XPR1: variants seen among roughly 807,000 people sequenced by gnomAD.
The protein encoded by XPR1 is solute carrier family 53 member 1.
In XPR1, 28 loss-of-function variants were observed where a neutral mutation model predicts 87.5. The observed-to-expected ratio is 0.32, with a 90% confidence interval of 0.24 to 0.44. The LOEUF (loss-of-function observed/expected upper bound fraction) is 0.44, where lower values mean the gene tolerates loss of function less well. XPR1 is among the 20% of genes least tolerant of loss of function. The pLI is 1.00. For synonymous variants in XPR1, 300 were observed against 306.1 expected, an observed-to-expected ratio of 0.98 and a Z score of 0.21; for missense variants, 559 against 862.3, an observed-to-expected ratio of 0.65 and a Z score of 4.41.
In XPR1 at chr1:180,873,787, C is replaced by A. The variant is rs753496664; in HGVS notation, c.1669-16C>A. 2.0e-5 allele frequency: 33 copies of A among 1,610,290 alleles called. No individual in the cohort carries two copies. Among genetic ancestry groups the A allele is most frequent in the African/African-American group, 6.7e-5 (5 of 74,790 alleles). ...ATGTGATAGAAAACATACTCAATTT[C>A]TTTATTATTTCTCAGGCCTACTACT... On this transcript the variant is annotated splice_polypyrimidine_tract_variant and intron_variant, in intron 12 of 14. Transcript: ENST00000367590.
At chr1:180,821,006 CTTTT>C (rs67840913) in intron 7 of XPR1, among the ~76,000 whole-genome samples, 1 of 148,222 alleles carries the variant, frequency 6.7e-6, no homozygotes, top group Non-Finnish European at 1.5e-5. Flanking sequence ...ATATTCCTCC[CTTTT>C]TTTTTTTACT....
rs1259916327 is a variant in XPR1 at position 180,886,278 on chromosome 1, G to A, written c.*2212G>A. The A allele has an allele frequency of 6.6e-6, 1 of 152,182 alleles. No homozygotes were observed. The highest frequency in any genetic ancestry group is 1.5e-5 in the Non-Finnish European group (1 of 68,036). The allele number at this position is 152,182 out of a possible 1,614,324, so 9.4% of individuals were successfully genotyped here. A position where few individuals can be genotyped will look rare whatever the true frequency, so the allele number is the denominator to read the frequency against. On this transcript the variant is annotated 3_prime_UTR_variant, in exon 15 of 15. Coordinates refer to ENST00000367590, the MANE Select transcript of XPR1 (RefSeq NM_004736.4). ...AAGAAACAGCAGTAATTATTACTGA[G>A]TTAAATTGAAAAGTCCAGTGGACCA...
intron 3 of XPR1, among the ~76,000 whole-genome samples, chr1:180,791,340 C>T (rs561157547): frequency 5.3e-5 from 8 of 152,186 alleles, no homozygotes; most frequent in South Asian, 2.1e-4. Context: ...GTCATGATCT[C>T]GGCTCACTGC....
At chr1:180,797,852 T>C (rs1386171174) in intron 3 of XPR1, among the ~76,000 whole-genome samples, 1 of 152,170 alleles carries the variant, frequency 6.6e-6, no homozygotes, top group African/African-American at 2.4e-5. Flanking sequence ...TAGTTATTTC[T>C]TTTGGCCTAG....
rs148567488 is a variant in XPR1 at position 180,696,390 on chromosome 1, T to G, written c.121+13979T>G. Among the ~76,000 whole-genome samples, 6 of 152,114 alleles carry G rather than the reference T, an allele frequency of 3.9e-5. No individual in the cohort carries two copies. In the East Asian group the frequency reaches 1.2e-3, roughly 29 times the overall value. On this transcript the variant is annotated intron_variant, in intron 2 of 14. Coordinates refer to ENST00000367590, the MANE Select transcript of XPR1 (RefSeq NM_004736.4). ...GGTGGAATTGTTAGGTTTTTCTATA[T>G]CTAAGATCATGTCATCTATAAAGCA...
At chr1:180,674,882 GT>G (rs549215049) in intron 1 of XPR1, among the ~76,000 whole-genome samples, 11 of 152,248 alleles carry the variant, frequency 7.2e-5, no homozygotes, top group African/African-American at 2.6e-4. Context: ...TATATTGGCA[GT>G]CAGCACCACA....
At chr1:180,703,114 T>G (rs887970145) in intron 2 of XPR1, among the ~76,000 whole-genome samples, 4 of 152,150 alleles carry the variant, frequency 2.6e-5, no homozygotes, top group African/African-American at 4.8e-5. Flanking sequence ...GAAGGCTGTT[T>G]GAGGCTTTGC....
intron 2 of XPR1, among the ~76,000 whole-genome samples, chr1:180,760,670 G>T (rs770257712): frequency 6.6e-6 from 1 of 152,142 alleles, no homozygotes; most frequent in Admixed American, 6.5e-5. Flanking sequence ...AATCAATATC[G>T]TGAAAATGGC....
At chr1:180,725,426 C>T (rs1658305355) in intron 2 of XPR1, among the ~76,000 whole-genome samples, 1 of 152,094 alleles carries the variant, frequency 6.6e-6, no homozygotes, top group African/African-American at 2.4e-5. Context: ...TAGGTGAACA[C>T]TATTGCACTA....
chr1:180,763,106 G>T (rs936512833), intron 2 of XPR1, among the ~76,000 whole-genome samples: 1 of 152,150 alleles, frequency 6.6e-6, no homozygotes, highest in Admixed American at 6.5e-5. Context: ...TGTTTATGCC[G>T]TGGAATTCCC....
intron 9 of XPR1, among the ~76,000 whole-genome samples, chr1:180,831,409 A>G (rs1229390685): frequency 6.3e-5 from 2 of 31,620 alleles, no homozygotes; most frequent in Non-Finnish European, 1.5e-4. Context: ...TCTTTTTTTT[A>G]TATATACTTT....
At chr1:180,857,047 G>A (rs12079213) in intron 11 of XPR1, among the ~76,000 whole-genome samples, 6,552 of 152,256 alleles carry the variant, frequency 0.043, 506 homozygotes, top group African/African-American at 0.15. Flanking sequence ...TATATTAAAT[G>A]TAAAAGTGAT....
chr1:180,856,494 C>G (rs1238826600), intron 11 of XPR1, among the ~76,000 whole-genome samples: 3 of 152,116 alleles, frequency 2.0e-5, no homozygotes, highest in African/African-American at 7.2e-5. Flanking sequence ...TAGTTTTTTC[C>G]AGTTGTTTTC....
At chr1:180,811,613 G>A in intron 7 of XPR1, 125 bp downstream of exon 7, 1 of 727,892 alleles carries the variant, frequency 1.4e-6, no homozygotes, top group Non-Finnish European at 2.1e-6. Flanking sequence ...TCAGGGCTAA[G>A]TTTTTTGTCC....
intron 1 of XPR1, among the ~76,000 whole-genome samples, chr1:180,672,100 A>C (rs769023284): frequency 2.6e-4 from 40 of 152,262 alleles, no homozygotes; most frequent in Non-Finnish European, 4.3e-4. Context: ...AAGCCATGTC[A>C]ATAGATGTCA....
intron 11 of XPR1, among the ~76,000 whole-genome samples, chr1:180,848,206 T>C (rs1163800502): frequency 6.6e-6 from 1 of 152,186 alleles, no homozygotes; most frequent in Non-Finnish European, 1.5e-5. Context: ...TTTGAAACTG[T>C]ATATTATTGT....
Position 180,853,409 on chromosome 1 carries a change from G to GT in XPR1, c.1502-10296dup, listed in dbSNP as rs554152799. Among the ~76,000 whole-genome samples, 226 of 152,070 alleles carry GT rather than the reference G, an allele frequency of 1.5e-3. 1 individual carries two copies. Among genetic ancestry groups the GT allele is most frequent in the Non-Finnish European group, 1.5e-3 (100 of 67,980 alleles). ...ATATTTCTATTTGGTTCTTCTTTGT[G>GT]TTTCCTGTATCTTTGGTGAGACTGT... On this transcript the variant is annotated intron_variant, in intron 11 of 14. Transcript: ENST00000367590.
At chr1:180,647,915 A>AT (rs1385984977) in intron 1 of XPR1, among the ~76,000 whole-genome samples, 2 of 151,500 alleles carry the variant, frequency 1.3e-5, no homozygotes, top group Non-Finnish European at 2.9e-5. Flanking sequence ...AAAAAAAAAA[A>AT]AAAAAAAAAA....
intron 13 of XPR1, chr1:180,877,984 G>A (rs1321921035): frequency 6.6e-6 from 1 of 152,154 alleles, no homozygotes; most frequent in Admixed American, 6.6e-5. Context: ...GACAGAAGCT[G>A]GAAACGGAAG....
Sources: allele counts gnomAD v4.1 joint callset (sites outside exome capture counted in the v4.1 genomes callset), GRCh38; gene constraint gnomAD v4.1.1; transcripts MANE v1.5; gene names NCBI Gene and HGNC (gene_info 2026-07-23, HGNC 2026-07-21).